Variants in NAV2 observed in about 807,000 individuals in gnomAD.
NAV2 encodes helicase, APC down-regulated 1.
Under a neutral mutation model 223.2 loss-of-function variants are expected in NAV2, and 54 were observed. The ratio of observed to expected loss-of-function variants is 0.24; its 90% CI spans 0.19 to 0.30. The LOEUF (loss-of-function observed/expected upper bound fraction) is 0.30, where lower values mean the gene tolerates loss of function less well. Ranked by LOEUF, NAV2 falls within the 10% of genes least tolerant of loss-of-function variation. The probability of loss-of-function intolerance (pLI) is 1.00; values close to 1 mark genes in which losing one functional copy is unlikely to be tolerated. For synonymous variants in NAV2, 1,279 were observed against 1,239.3 expected (o/e 1.03, Z -0.67); for missense variants, 2,806 against 3,147.5 (o/e 0.89, Z 2.60).
chr11:20,099,968 G>A (rs1472232961), intron 31 of NAV2, among the ~76,000 whole-genome samples: 3 of 152,098 alleles, frequency 2.0e-5, no homozygotes, highest in African/African-American at 7.2e-5. Flanking sequence ...GACATCTGGG[G>A]GCCTTTGTCA....
chr11:19,965,478 A>G (rs1401440894), intron 10 of NAV2, among the ~76,000 whole-genome samples: 1 of 151,666 alleles, frequency 6.6e-6, no homozygotes, highest in Admixed American at 6.6e-5. Context: ...GATGGATTCC[A>G]TTTCTTAAGT....
intron 1 of NAV2, among the ~76,000 whole-genome samples, chr11:19,413,733 G>C (rs1850243178): frequency 6.6e-6 from 1 of 152,194 alleles, no homozygotes; most frequent in African/African-American, 2.4e-5. Flanking sequence ...TCTCTCTGTA[G>C]AAACCCTACA....
Position 19,914,608 on chromosome 11 carries a change from A to G in NAV2, c.932-18568A>G, listed in dbSNP as rs569951189. ...GCCGGACTGCGGACTGCAGTGGCGC[A>G]ATCTCGGCTCACTGCAAGCTCCGCT... On this transcript the variant is annotated intron_variant, in intron 6 of 37. Coordinates refer to ENST00000349880, the MANE Select transcript of NAV2 (RefSeq NM_145117.5). Among the ~76,000 whole-genome samples, 107 of 150,532 alleles carry G rather than the reference A, an allele frequency of 7.1e-4. 3 individuals carry two copies. The South Asian group carries it at 0.022, about 31-fold the overall frequency.
chr11:19,707,722 T>C lies in NAV2; in HGVS notation c.76-124762T>C, dbSNP rs1462765289. ...TTGTTATCAAGTATTTATCATCAAC[T>C]ATATAAAGTATTAGGCACTGTACAT... On this transcript the variant is annotated intron_variant, in intron 1 of 37. Coordinates refer to the NAV2 transcript ENST00000360655. 2.0e-5 allele frequency among the ~76,000 whole-genome samples: 3 copies of C among 152,210 alleles called. No individual in the cohort carries two copies. The East Asian group carries it at 5.8e-4, about 29-fold the overall frequency.
chr11:19,384,971 A>G (rs907068642), intron 1 of NAV2: 1 of 152,234 alleles, frequency 6.6e-6, no homozygotes, highest in Non-Finnish European at 1.5e-5. Flanking sequence ...CAGAATATAT[A>G]AAGATTTCCT....
At chr11:19,876,199 T>A (rs917861195) in intron 4 of NAV2, among the ~76,000 whole-genome samples, 2 of 152,140 alleles carry the variant, frequency 1.3e-5, no homozygotes, top group South Asian at 4.1e-4. Flanking sequence ...CTAATTTTTT[T>A]GTATTTTTAG....
intron 1 of NAV2, among the ~76,000 whole-genome samples, chr11:19,662,800 A>T (rs570347960): frequency 2.7e-4 from 41 of 152,374 alleles, no homozygotes; most frequent in Non-Finnish European, 5.0e-4. Flanking sequence ...AGTGCCAGGT[A>T]GCCTTTTGGC....
At chr11:19,600,794 T>C (rs2135238821) in intron 1 of NAV2, among the ~76,000 whole-genome samples, 1 of 152,332 alleles carries the variant, frequency 6.6e-6, no homozygotes, top group African/African-American at 2.4e-5. Flanking sequence ...AAACACTAGC[T>C]GGTGTTATCC....
At chr11:20,076,827 A>T (rs976524472) in intron 22 of NAV2, among the ~76,000 whole-genome samples, 6 of 152,220 alleles carry the variant, frequency 3.9e-5, no homozygotes, top group African/African-American at 1.4e-4. Context: ...GCATTTAAAA[A>T]ATTCTTAGAA....
chr11:19,413,442 C>T (rs184492849), intron 1 of NAV2, among the ~76,000 whole-genome samples: 3 of 152,228 alleles, frequency 2.0e-5, no homozygotes, highest in East Asian at 1.9e-4. Flanking sequence ...ACCAAACCTA[C>T]GTTTGATTGG....
At chr11:19,949,173 A>T (rs1239592201) in intron 10 of NAV2, 93 bp downstream of exon 10, 1 of 1,368,504 alleles carries the variant, frequency 7.3e-7, no homozygotes, top group African/African-American at 1.5e-5. Flanking sequence ...CTTCTGGAGG[A>T]GGTCAAACTG....
intron 1 of NAV2, among the ~76,000 whole-genome samples, chr11:19,684,393 G>T (rs147019440): frequency 1.8e-4 from 27 of 152,112 alleles, no homozygotes; most frequent in Admixed American, 1.2e-3. Context: ...ACCACTGGGG[G>T]CTGTCTCTGA....
chr11:19,393,945 T>A (rs181604368), intron 1 of NAV2, among the ~76,000 whole-genome samples: 2 of 142,470 alleles, frequency 1.4e-5, no homozygotes, highest in Non-Finnish European at 3.0e-5. Context: ...TCTAAAAGTG[T>A]GAAACTCATG....
chr11:19,822,402 C>T (rs1174269004), intron 1 of NAV2, among the ~76,000 whole-genome samples: 1 of 152,226 alleles, frequency 6.6e-6, no homozygotes, highest in Non-Finnish European at 1.5e-5. Flanking sequence ...TTGCCCCCTG[C>T]ACAGGTAGAT....
At chr11:19,354,555 T>C (rs1285744684) in intron 1 of NAV2, among the ~76,000 whole-genome samples, 2 of 152,204 alleles carry the variant, frequency 1.3e-5, no homozygotes, top group African/African-American at 2.4e-5. Flanking sequence ...GTGAGAGAGG[T>C]ATACATTTCA....
chr11:19,982,064 C>G (rs534298823), intron 10 of NAV2, among the ~76,000 whole-genome samples: 1 of 152,064 alleles, frequency 6.6e-6, no homozygotes, highest in African/African-American at 2.4e-5. Flanking sequence ...TAGATTTGAA[C>G]AAAATAAGAA....
intron 11 of NAV2, among the ~76,000 whole-genome samples, chr11:19,988,920 A>G (rs1400470199): frequency 6.6e-6 from 1 of 152,226 alleles, no homozygotes; most frequent in African/African-American, 2.4e-5. Flanking sequence ...TCTGGAGGAA[A>G]GAGTTTAATC....
intron 10 of NAV2, among the ~76,000 whole-genome samples, chr11:19,963,216 C>G (rs527247908): frequency 2.6e-5 from 4 of 152,262 alleles, no homozygotes; most frequent in African/African-American, 9.6e-5. Flanking sequence ...TGCTTTTTCT[C>G]ACTTACTCTT....
At chr11:19,846,965 C>A (rs1178743834) in intron 3 of NAV2, among the ~76,000 whole-genome samples, 1 of 152,210 alleles carries the variant, frequency 6.6e-6, no homozygotes, top group Non-Finnish European at 1.5e-5. Context: ...ACTCCCACCC[C>A]ATTCCCTCTC....
Sources: gnomAD v4.1 joint callset for allele counts (sites outside exome capture counted in the v4.1 genomes callset) on GRCh38, gnomAD v4.1.1 for gene constraint, MANE v1.5 for transcripts, NCBI Gene and HGNC (gene_info 2026-07-23, HGNC 2026-07-21) for gene names.